Variants in ALKBH8 observed in about 807,000 individuals in gnomAD.
ALKBH8 encodes the protein alkB homolog 8, tRNA methyltransferase.
Under a neutral mutation model 59.8 loss-of-function variants are expected in ALKBH8, and 36 were observed. That is an observed-to-expected ratio of 0.60 (90% CI 0.46 to 0.79). The LOEUF (loss-of-function observed/expected upper bound fraction) is 0.79. ALKBH8 is among the 30% of genes least tolerant of loss of function. The pLI, the probability that ALKBH8 is intolerant of heterozygous loss-of-function variation, is 0.00. For synonymous variants in ALKBH8, 276 were observed against 273.6 expected, an observed-to-expected ratio of 1.01 and a Z score of -0.09; for missense variants, 768 against 801.0, an observed-to-expected ratio of 0.96 and a Z score of 0.50.
At position 107,532,305 on chromosome 11, in the gene ALKBH8, G is replaced by T; in HGVS notation, c.873C>A (p.Thr291=). The T allele has an allele frequency of 6.2e-7, 1 of 1,611,530 alleles. No homozygotes were observed. Among genetic ancestry groups the T allele is most frequent in the Non-Finnish European group, 8.5e-7 (1 of 1,178,350 alleles). ...VMTGESRYLW[T]HGITCRKFDT... is the part of the protein sequence containing the mutation. ...TGTCATATTTCAATACATACCCATG[G>T]GTCCAAAGGTATCTAGATTCTCCTG... The change falls in exon 8 of 12, where the codon ACC becomes ACA. Residue 291 remains threonine, a synonymous_variant. Transcript: ENST00000428149.
At chr11:107,536,735 T>G (rs1010688674) in intron 7 of ALKBH8, among the ~76,000 whole-genome samples, 4 of 152,056 alleles carry the variant, frequency 2.6e-5, no homozygotes, top group African/African-American at 9.7e-5. Context: ...AAGTAGCTAG[T>G]ACCAAGTCAG....
intron 7 of ALKBH8, among the ~76,000 whole-genome samples, chr11:107,545,200 T>C (rs984513896): frequency 6.6e-6 from 1 of 152,210 alleles, no homozygotes; most frequent in African/African-American, 2.4e-5. Context: ...CGGTCCAGAC[T>C]GTATTGTTGT....
intron 10 of ALKBH8, among the ~76,000 whole-genome samples, chr11:107,511,878 T>A (rs1862641918): frequency 6.7e-6 from 1 of 150,148 alleles, no homozygotes; most frequent in African/African-American, 2.5e-5. Context: ...GCCCAGACAA[T>A]TTTTTTTTTA....
intron 7 of ALKBH8, among the ~76,000 whole-genome samples, chr11:107,535,293 T>C (rs1863767813): frequency 6.6e-6 from 1 of 152,240 alleles, no homozygotes; most frequent in African/African-American, 2.4e-5. Context: ...CTGGATCAAA[T>C]GGCAGATCTA....
chr11:107,525,340 G>C (rs1292052080), intron 9 of ALKBH8, 101 bp downstream of exon 9: 5 of 1,087,708 alleles, frequency 4.6e-6, no homozygotes, highest in Non-Finnish European at 6.2e-6. Context: ...AATGCCATTA[G>C]AGAGATTCAG....
intron 8 of ALKBH8, among the ~76,000 whole-genome samples, chr11:107,531,396 T>C (rs1863586946): frequency 6.6e-6 from 1 of 152,212 alleles, no homozygotes; most frequent in African/African-American, 2.4e-5. Flanking sequence ...CTTTAGATTT[T>C]GATTAAACCA....
chr11:107,562,688 G>A (rs553255721), intron 1 of ALKBH8: 1 of 152,152 alleles, frequency 6.6e-6, no homozygotes, highest in Admixed American at 6.5e-5. Flanking sequence ...CCTAGCACAG[G>A]GGGTACATAC....
At chr11:107,528,873 C>T (rs558422936) in intron 8 of ALKBH8, among the ~76,000 whole-genome samples, 2 of 152,156 alleles carry the variant, frequency 1.3e-5, no homozygotes, top group Admixed American at 1.3e-4. Context: ...GAAGAGACAT[C>T]TCAAGGTAGT....
intron 7 of ALKBH8, among the ~76,000 whole-genome samples, chr11:107,534,069 G>A (rs1438013224): frequency 6.6e-6 from 1 of 152,102 alleles, no homozygotes; most frequent in Non-Finnish European, 1.5e-5. Context: ...GGCGGAGGTT[G>A]CAGGGAGCTG....
Position 107,522,342 on chromosome 11 carries a change from C to T in ALKBH8, c.1244G>A (p.Cys415Tyr). Residue 415 changes from cysteine (C) to tyrosine (Y), a missense_variant, in exon 10 of 12, where the codon TGT becomes TAT. Transcript: ENST00000428149. ...PSGSIVADIG[C>Y]GNGKYLGINK... is the part of the protein sequence containing the mutation. ...GATGCCAAGATACTTTCCATTACCA[C>T]ATCCAATATCAGCCACTATTGAACC... 1.3e-6 allele frequency: 2 copies of T among 1,551,664 alleles called. No individual in the cohort carries two copies. The highest frequency in any genetic ancestry group is 1.7e-6 in the Non-Finnish European group (2 of 1,146,966).
intron 1 of ALKBH8, chr11:107,562,691 G>A (rs1438815869): frequency 2.6e-5 from 4 of 152,128 alleles, no homozygotes; most frequent in Non-Finnish European, 5.9e-5. Flanking sequence ...AGCACAGGGG[G>A]TACATACTAG....
chr11:107,551,241 C>T, intron 6 of ALKBH8, among the ~76,000 whole-genome samples: 1 of 151,958 alleles, frequency 6.6e-6, no homozygotes, highest in East Asian at 1.9e-4. Flanking sequence ...GAAAGGGAAA[C>T]AAACAAAAAA....
intron 11 of ALKBH8, among the ~76,000 whole-genome samples, chr11:107,510,072 C>T (rs1461862055): frequency 6.6e-6 from 1 of 152,102 alleles, no homozygotes; most frequent in Non-Finnish European, 1.5e-5. Flanking sequence ...TGTAAAAAAC[C>T]TAATATTGTT....
intron 11 of ALKBH8, among the ~76,000 whole-genome samples, chr11:107,507,107 CAA>C (rs968112718): frequency 2.0e-5 from 3 of 151,580 alleles, no homozygotes; most frequent in Non-Finnish European, 4.4e-5. Flanking sequence ...AGCAAGCTAA[CAA>C]AAGAGGAAAA....
intron 10 of ALKBH8, among the ~76,000 whole-genome samples, chr11:107,520,525 A>T (rs976286018): frequency 1.3e-5 from 2 of 152,236 alleles, no homozygotes; most frequent in Non-Finnish European, 2.9e-5. Flanking sequence ...TGGATTATCA[A>T]CAAGAAAGTG....
intron 10 of ALKBH8, among the ~76,000 whole-genome samples, chr11:107,511,249 A>G (rs1399737419): frequency 1.3e-5 from 2 of 152,232 alleles, no homozygotes; most frequent in Non-Finnish European, 2.9e-5. Flanking sequence ...GATATCAAAC[A>G]GAACTCCAAT....
chr11:107,508,463 A>G (rs1269018470), intron 11 of ALKBH8, among the ~76,000 whole-genome samples: 1 of 152,170 alleles, frequency 6.6e-6, no homozygotes, highest in Non-Finnish European at 1.5e-5. Flanking sequence ...GTGAGCCACG[A>G]CAGCTGGCCT....
At chr11:107,527,270 G>A (rs929856706) in intron 8 of ALKBH8, among the ~76,000 whole-genome samples, 89 of 151,920 alleles carry the variant, frequency 5.9e-4, no homozygotes, top group Non-Finnish European at 9.3e-4. Flanking sequence ...ATTTACTCCA[G>A]GCAAGGTTAT....
At chr11:107,527,118 C>T (rs1030600790) in intron 8 of ALKBH8, among the ~76,000 whole-genome samples, 1 of 151,928 alleles carries the variant, frequency 6.6e-6, no homozygotes, top group African/African-American at 2.4e-5. Context: ...ACTGGAATTA[C>T]ACTGTCTCCA....
Sources: allele counts gnomAD v4.1 joint callset (sites outside exome capture counted in the v4.1 genomes callset), GRCh38; gene constraint gnomAD v4.1.1; transcripts MANE v1.5; gene names NCBI Gene and HGNC (gene_info 2026-07-23, HGNC 2026-07-21).